FCGR3B: variants seen among roughly 807,000 people sequenced by gnomAD.
FCGR3B encodes Fc gamma receptor IIIb, also known as low affinity immunoglobulin gamma Fc region receptor III-B.
Under a neutral mutation model 26.7 loss-of-function variants are expected in FCGR3B, and 20 were observed. The ratio of observed to expected loss-of-function variants is 0.75; its 90% confidence interval spans 0.53 to 1.09. The LOEUF (loss-of-function observed/expected upper bound fraction) is 1.09. Among genes scored for constraint, FCGR3B ranks in the 50% least tolerant of loss-of-function variants. The pLI, the probability that FCGR3B is intolerant of heterozygous loss-of-function variation, is 0.00. For missense variants in FCGR3B, 191 were observed against 279.7 expected (o/e 0.68, Z 2.26); for synonymous variants, 79 against 107.0 (o/e 0.74, Z 1.62).
At chr1:161,628,769 A>T (rs1307524770) in intron 3 of FCGR3B, among the ~76,000 whole-genome samples, 2 of 146,514 alleles carry the variant, frequency 1.4e-5, no homozygotes, top group Admixed American at 6.9e-5. Flanking sequence ...TGGAAGTAGA[A>T]TTAGGTTTGC....
chr1:161,628,207 A>G (rs1322464546), intron 3 of FCGR3B, among the ~76,000 whole-genome samples: 1 of 150,118 alleles, frequency 6.7e-6, no homozygotes, highest in Non-Finnish European at 1.5e-5. Flanking sequence ...AGGGAGGTGG[A>G]GGTTGCAGTG....
chr1:161,623,943 C>G lies in FCGR3B; in HGVS notation c.*572G>C, dbSNP rs1171524364. 1.3e-5 allele frequency: 2 copies of G among 151,556 alleles called. No individual in the cohort carries two copies. Among genetic ancestry groups the G allele is most frequent in the African/African-American group, 5.0e-5 (2 of 40,068 alleles). The allele number at this position is 151,556 out of a possible 1,614,324, so 9.4% of individuals were successfully genotyped here. Reference sequence around the variant, plus strand: ...GATGGGAACACCTCCCTTAGACTATCCTGGACTACCCTGCTATTTCTCAGC... The same window carrying G: ...GATGGGAACACCTCCCTTAGACTATGCTGGACTACCCTGCTATTTCTCAGC... On this transcript the variant is annotated 3_prime_UTR_variant, in exon 5 of 5. Transcript: ENST00000650385.
At position 161,626,365 on chromosome 1, in the gene FCGR3B, C is replaced by A. The variant is rs746397505; in HGVS notation, c.357G>T (p.Lys119Asn). ...LLLQAPRWVF[K>N]EEDPIHLRCH... The stretch of plus-strand genomic sequence containing the variant: ...ACCTCAGGTGAATAGGGTCTTCCTC[C>A]TTGAACACCCACCGAGGGGCCTGGA... The change falls in exon 4 of 5, where the codon AAG (lysine) becomes AAT (asparagine). Residue 119 changes from lysine (K) to asparagine (N), a missense_variant. Physicochemically the swap from Lys to Asn is moderately conservative, Grantham distance 94. This residue lies in a region of FCGR3B where 88 missense variants were observed against 165.2 expected (regional missense o/e 0.53). Coordinates refer to ENST00000650385, the MANE Select transcript of FCGR3B (RefSeq NM_001244753.2). The A allele has an allele frequency of 1.2e-5, 19 of 1,608,882 alleles. No homozygotes were observed. In the Admixed American group the frequency reaches 2.5e-4, roughly 21 times the overall value.
Position 161,628,229 on chromosome 1 carries a change from C to T in FCGR3B, c.319+1549G>A, listed in dbSNP as rs180689696. On this transcript the variant is annotated intron_variant, in intron 3 of 4. Transcript: ENST00000650385. The stretch of plus-strand genomic sequence containing the variant: ...TGGAGGTTGCAGTGAACCAAGATTG[C>T]GCCACTGCACTCCAGCTTGGGTGAC... Among the ~76,000 whole-genome samples, 114 of 150,016 alleles carry T rather than the reference C, an allele frequency of 7.6e-4. 6 individuals are homozygous for T. In the South Asian group the frequency reaches 0.022, roughly 28 times the overall value.
In FCGR3B at chr1:161,624,522, T is replaced by C. The variant is rs1482902033; in HGVS notation, c.695A>G (p.Asn232Ser). 2 of 1,606,910 alleles carry C rather than the reference T, an allele frequency of 1.2e-6. No homozygotes were observed. Among genetic ancestry groups the C allele is most frequent in the African/African-American group, 1.4e-5 (1 of 73,088 alleles). ...DTGLYFSVKT[N>S]I The stretch of plus-strand genomic sequence containing the variant: ...CCAGTCTCTTGTTGAGCTTCAAATG[T>C]TTGTCTTCACAGAGAAATATAGTCC... Residue 232 changes from asparagine to serine, a missense_variant, in exon 5 of 5, where the codon AAC becomes AGC. Physicochemically the swap from Asn to Ser is conservative, Grantham distance 46. This residue lies in a region of FCGR3B where 103 missense variants were observed against 114.5 expected (regional missense o/e 0.90). Transcript: ENST00000650385.
upstream of FCGR3B, chr1:161,631,395 T>G: frequency 1.6e-6 from 1 of 607,044 alleles, no homozygotes; most frequent in Non-Finnish European, 2.8e-6. Flanking sequence ...TCTGCCAGAG[T>G]GTGCCCTCAG....
intron 3 of FCGR3B, among the ~76,000 whole-genome samples, chr1:161,627,157 A>G (rs1343661495): frequency 6.7e-6 from 1 of 150,344 alleles, no homozygotes; most frequent in Non-Finnish European, 1.5e-5. Flanking sequence ...TGGCCTGAAT[A>G]ATTAAAAAAA....
Position 161,624,486 on chromosome 1 carries a change from T to G in FCGR3B, c.*29A>C. 6.2e-7 allele frequency: 1 copy of G among 1,603,328 alleles called. No individual in the cohort carries two copies. Among genetic ancestry groups the G allele is most frequent in the Non-Finnish European group, 8.5e-7 (1 of 1,174,688 alleles). ...TTGAGGGTCCTTTCTCCATTTAAGT[T>G]TATGGTCCTTCCAGTCTCTTGTTGA... is the stretch of plus-strand genomic sequence containing the variant. On this transcript the variant is annotated 3_prime_UTR_variant, in exon 5 of 5. Transcript: ENST00000650385.
At position 161,631,086 on chromosome 1, in the gene FCGR3B, C is replaced by A; in HGVS notation, c.9G>T (p.Gln3His). ...GTAGCAGAGCAGTTGGGAGGAGCAG[C>A]TGCCACATGATGCCACACTGGAGTG... MW[Q>H]LLLPTALLLL... The change falls in exon 1 of 5, where the codon CAG becomes CAT. Residue 3 changes from glutamine to histidine, a missense_variant. By Grantham distance (24) the Gln-to-His change is conservative (BLOSUM62 0). Transcript: ENST00000650385. 6.2e-7 allele frequency: 1 copy of A among 1,607,202 alleles called. No individual in the cohort carries two copies. Among genetic ancestry groups the A allele is most frequent in the Middle Eastern group, 1.7e-4 (1 of 6,016 alleles).
rs1215694140 is a variant in FCGR3B at position 161,630,010 on chromosome 1, GA to G, written c.86del (p.Phe29SerfsTer15). ...RTEDLPKAVV[F>X]LEPQWYSVLE... is the part of the protein sequence containing the mutation. ...GCACGCTGTACCATTGAGGCTCCAG[GA>G]ACACCACAGCCTTTGGGAGATCTTC... On this transcript the variant is annotated frameshift_variant, in exon 3 of 5. Transcript: ENST00000650385. LOFTEE classifies it high-confidence loss of function. 7.2e-7 allele frequency: 1 copy of G among 1,395,248 alleles called. No homozygotes were observed. Among genetic ancestry groups the G allele is most frequent in the Non-Finnish European group, 9.6e-7 (1 of 1,046,166 alleles). The allele number at this position is 1,395,248 out of a possible 1,614,324, so 86.4% of individuals were successfully genotyped here.
chr1:161,624,500 G>T lies in FCGR3B; in HGVS notation c.*15C>A. ...TCCATTTAAGTTTATGGTCCTTCCA[G>T]TCTCTTGTTGAGCTTCAAATGTTTG... On this transcript the variant is annotated 3_prime_UTR_variant, in exon 5 of 5. Coordinates refer to ENST00000650385, the MANE Select transcript of FCGR3B (RefSeq NM_001244753.2). The T allele has an allele frequency of 6.2e-7, 1 of 1,605,988 alleles. No individual in the cohort carries two copies. Among genetic ancestry groups the T allele is most frequent in the South Asian group, 1.1e-5 (1 of 90,282 alleles).
chr1:161,630,470 C>G, intron 1 of FCGR3B, 82 bp from the exon 2 acceptor site: 2 of 1,253,882 alleles, frequency 1.6e-6, no homozygotes, highest in South Asian at 2.6e-5. Context: ...TTAAAACTCC[C>G]CTGCCCTCCT....
At chr1:161,631,227 T>A (rs759464603), upstream of FCGR3B, 1 of 1,569,656 alleles carries the variant, frequency 6.4e-7, no homozygotes, top group Non-Finnish European at 8.7e-7. Context: ...AGTTTCCTTT[T>A]CTTGAAACTT....
Position 161,630,401 on chromosome 1 carries a change from A to G in FCGR3B, c.41-13T>C. 6.2e-7 allele frequency: 1 copy of G among 1,605,622 alleles called. No individual in the cohort carries two copies. Among genetic ancestry groups the G allele is most frequent in the Non-Finnish European group, 8.5e-7 (1 of 1,176,282 alleles). On this transcript the variant is annotated splice_polypyrimidine_tract_variant and intron_variant, in intron 1 of 4. Transcript: ENST00000650385. ...ATGCCAGCTGAAACTGCAAGAAAAA[A>G]GAGTAAATCAAATATTGAGTAGGGG...
intron 4 of FCGR3B, 69 bp downstream of exon 4, chr1:161,626,076 A>G (rs1679437909): frequency 2.6e-6 from 4 of 1,553,444 alleles, no homozygotes; most frequent in Non-Finnish European, 2.6e-6. Flanking sequence ...TCCCAACTCA[A>G]CTTCCCAGTG....
rs766420385 is a variant in FCGR3B, at chr1:161,624,614, T to C, written c.603A>G (p.Ser201=). The part of the protein sequence containing the change: ...TQGLAVSTIS[S]FSPPGYQVSF... ...AGACTTGGTACCCAGGTGGAGAGAA[T>C]GATGAGATGGTTGACACTGCCAAAC... The change falls in exon 5 of 5, where the codon TCA becomes TCG. Residue 201 remains serine (S), a synonymous_variant. Coordinates refer to ENST00000650385, the MANE Select transcript of FCGR3B (RefSeq NM_001244753.2). 48 of 1,605,790 alleles carry C rather than the reference T, an allele frequency of 3.0e-5. 5 individuals are homozygous for C. In the East Asian group the frequency reaches 6.3e-4, roughly 21 times the overall value.
At chr1:161,627,970 C>A (rs1257558003) in intron 3 of FCGR3B, among the ~76,000 whole-genome samples, 2 of 150,102 alleles carry the variant, frequency 1.3e-5, no homozygotes, top group Non-Finnish European at 3.0e-5. Context: ...AGAAATTCTG[C>A]CTGAAAGAAG....
Position 161,624,374 on chromosome 1 carries a change from G to A in FCGR3B, c.*141C>T, listed in dbSNP as rs1409882963. On this transcript the variant is annotated 3_prime_UTR_variant, in exon 5 of 5. Coordinates refer to ENST00000650385, the MANE Select transcript of FCGR3B (RefSeq NM_001244753.2). ...TCCTGCTGCTTGTAGAGAGGCCTGAGGATGATGGGGTTGCAAATCCAGAGA... is the reference window on the plus strand; with the variant it reads ...TCCTGCTGCTTGTAGAGAGGCCTGAAGATGATGGGGTTGCAAATCCAGAGA... 10 of 1,002,518 alleles carry A rather than the reference G, an allele frequency of 1.0e-5. 1 individual carries two copies. The highest frequency in any genetic ancestry group is 1.5e-5 in the Non-Finnish European group (10 of 669,548). The allele number at this position is 1,002,518 out of a possible 1,614,324, so 62.1% of individuals were successfully genotyped here. A position where few individuals can be genotyped will look rare whatever the true frequency, so the allele number is the denominator to read the frequency against.
At chr1:161,624,784 T>C (rs1679381440) in intron 4 of FCGR3B, 145 bp from the exon 5 acceptor site, 5 of 780,222 alleles carry the variant, frequency 6.4e-6, no homozygotes, top group Non-Finnish European at 1.0e-5. Flanking sequence ...GGGGAAAGTA[T>C]TGCTTCCTCC....
Sources: allele counts gnomAD v4.1 joint callset (sites outside exome capture counted in the v4.1 genomes callset), GRCh38; gene constraint gnomAD v4.1.1; regional missense constraint gnomAD v4.1.1; transcripts MANE v1.5; gene names NCBI Gene and HGNC (gene_info 2026-07-23, HGNC 2026-07-21).